Variants in COL13A1 observed in about 807,000 individuals in gnomAD.
COL13A1 encodes the protein collagen type XIII alpha 1 chain.
A neutral mutation model predicts 130.9 loss-of-function variants in COL13A1; 89 were observed. The observed-to-expected ratio is 0.68, with a 90% CI of 0.57 to 0.81. The LOEUF (loss-of-function observed/expected upper bound fraction) is 0.81. Among genes scored for constraint, COL13A1 ranks in the 30% least tolerant of loss-of-function variants. The pLI, the probability that COL13A1 is intolerant of heterozygous loss-of-function variation, is 0.00. For missense variants in COL13A1, 879 were observed against 934.6 expected (o/e 0.94, Z 0.78); for synonymous variants, 402 against 341.6 (o/e 1.18, Z -1.95).
chr10:69,950,356 A>G (rs2069320942), intron 38 of COL13A1, among the ~76,000 whole-genome samples: 1 of 152,186 alleles, frequency 6.6e-6, no homozygotes, highest in Non-Finnish European at 1.5e-5. Context: ...AATAGCCTCA[A>G]AGGACACCGG....
At chr10:69,846,405 G>A (rs997778348) in intron 2 of COL13A1, among the ~76,000 whole-genome samples, 8 of 152,136 alleles carry the variant, frequency 5.3e-5, no homozygotes, top group African/African-American at 1.9e-4. Flanking sequence ...GGCGGTGACA[G>A]ACAGGCTGAC....
rs117585528 is a variant in COL13A1, at chr10:69,872,682, G to A, written c.399+472G>A. On this transcript the variant is annotated intron_variant, in intron 4 of 40. Coordinates refer to ENST00000645393, the MANE Select transcript of COL13A1 (RefSeq NM_001368882.1). ...CCCAATTCTAGAGAGGCTGTGCCAA[G>A]TAACCATGGGGACTCTGGGACAAAA... Among the ~76,000 whole-genome samples the A allele has an allele frequency of 2.6e-3, 395 of 152,338 alleles. 1 individual carries two copies. The highest frequency in any genetic ancestry group is 4.5e-3 in the Non-Finnish European group (308 of 68,028).
intron 17 of COL13A1, among the ~76,000 whole-genome samples, chr10:69,906,180 A>G (rs1234477884): frequency 6.6e-6 from 1 of 152,254 alleles, no homozygotes; most frequent in Non-Finnish European, 1.5e-5. Context: ...GACAAATTTC[A>G]GGTTGAGAGA....
intron 7 of COL13A1, among the ~76,000 whole-genome samples, chr10:69,882,267 T>C (rs1317118579): frequency 6.6e-6 from 1 of 152,226 alleles, no homozygotes; most frequent in Non-Finnish European, 1.5e-5. Context: ...TGTTCTATTG[T>C]GTGGATCCTG....
chr10:69,854,318 C>A (rs1277782172), intron 2 of COL13A1, among the ~76,000 whole-genome samples: 1 of 152,234 alleles, frequency 6.6e-6, no homozygotes, highest in Non-Finnish European at 1.5e-5. Flanking sequence ...GTAATCCCAG[C>A]ACTCTGGGAG....
At chr10:69,942,908 C>T (rs182350400) in intron 35 of COL13A1, among the ~76,000 whole-genome samples, 10 of 152,276 alleles carry the variant, frequency 6.6e-5, no homozygotes, top group East Asian at 3.9e-4. Context: ...AGTGCAGTGG[C>T]GCAATCTTGG....
chr10:69,838,664 A>G (rs1850755692), intron 2 of COL13A1, among the ~76,000 whole-genome samples: 1 of 152,248 alleles, frequency 6.6e-6, no homozygotes, highest in Non-Finnish European at 1.5e-5. Flanking sequence ...TTATTCAGAC[A>G]GGGGCTCCTC....
At chr10:69,888,858 T>C (rs2060870382) in intron 9 of COL13A1, among the ~76,000 whole-genome samples, 1 of 152,140 alleles carries the variant, frequency 6.6e-6, no homozygotes, top group African/African-American at 2.4e-5. Context: ...GACACAAATG[T>C]TCATGGGAGA....
At chr10:69,853,497 A>G (rs1467918855) in intron 2 of COL13A1, among the ~76,000 whole-genome samples, 10 of 152,208 alleles carry the variant, frequency 6.6e-5, no homozygotes, top group African/African-American at 2.4e-4. Flanking sequence ...CAAAACTTTC[A>G]AGACTTTATA....
At chr10:69,862,878 C>A (rs905066810) in intron 2 of COL13A1, among the ~76,000 whole-genome samples, 1 of 152,130 alleles carries the variant, frequency 6.6e-6, no homozygotes, top group African/African-American at 2.4e-5. Context: ...AGGGTCTTAG[C>A]ATAGCGTCAG....
chr10:69,814,057 A>C (rs1843766017), intron 1 of COL13A1, among the ~76,000 whole-genome samples: 1 of 152,244 alleles, frequency 6.6e-6, no homozygotes, highest in African/African-American at 2.4e-5. Context: ...GGGCCAGCTC[A>C]GTCTGCAACG....
At chr10:69,955,777 A>ATGTGT in intron 39 of COL13A1, 1 of 152,314 alleles carries the variant, frequency 6.6e-6, no homozygotes, top group South Asian at 2.1e-4. Context: ...TTCTTCCATA[A>ATGTGT]CATCCCATAT....
At chr10:69,882,177 TAGG>T (rs1339553158) in intron 7 of COL13A1, among the ~76,000 whole-genome samples, 1 of 152,166 alleles carries the variant, frequency 6.6e-6, no homozygotes, top group Admixed American at 6.5e-5. Flanking sequence ...CCCGGTGTGT[TAGG>T]AGGACAGGGG....
intron 1 of COL13A1, among the ~76,000 whole-genome samples, chr10:69,817,421 G>A (rs1459709562): frequency 8.6e-5 from 13 of 151,616 alleles, no homozygotes; most frequent in African/African-American, 3.2e-4. Flanking sequence ...CAATGAAGTT[G>A]GGGGAGGGGA....
At chr10:69,927,980 T>G (rs1565091749) in intron 27 of COL13A1, among the ~76,000 whole-genome samples, 2 of 152,144 alleles carry the variant, frequency 1.3e-5, no homozygotes, top group African/African-American at 4.8e-5. Flanking sequence ...GCCAACATGG[T>G]GTCTCTACTA....
chr10:69,847,044 G>A (rs1197017217), intron 2 of COL13A1, among the ~76,000 whole-genome samples: 4 of 152,178 alleles, frequency 2.6e-5, no homozygotes, highest in Admixed American at 6.5e-5. Context: ...CTTGACCCTC[G>A]CCTGCTTCTT....
At chr10:69,806,814 C>T (rs1032577462) in intron 1 of COL13A1, among the ~76,000 whole-genome samples, 28 of 152,170 alleles carry the variant, frequency 1.8e-4, no homozygotes, top group Admixed American at 1.4e-3. Flanking sequence ...CAAGACCAGC[C>T]TGACCAACAT....
At chr10:69,845,792 C>A (rs1015788647) in intron 2 of COL13A1, among the ~76,000 whole-genome samples, 1 of 152,230 alleles carries the variant, frequency 6.6e-6, no homozygotes, top group Non-Finnish European at 1.5e-5. Flanking sequence ...TGCAGATGCC[C>A]AGGTCAGACC....
chr10:69,831,046 T>C (rs1418858446), intron 2 of COL13A1, among the ~76,000 whole-genome samples: 1 of 152,226 alleles, frequency 6.6e-6, no homozygotes, highest in Non-Finnish European at 1.5e-5. Flanking sequence ...ATTATATTGC[T>C]TTTAAGCCTC....
Sources: allele counts gnomAD v4.1 joint callset (sites outside exome capture counted in the v4.1 genomes callset), GRCh38; gene constraint gnomAD v4.1.1; transcripts MANE v1.5; gene names NCBI Gene and HGNC (gene_info 2026-07-23, HGNC 2026-07-21).